Variants in LRRD1 observed in about 807,000 individuals in gnomAD.
LRRD1 encodes the protein leucine-rich repeat and death domain-containing protein 1.
A neutral mutation model predicts 69.5 loss-of-function variants in LRRD1; 49 were observed. The ratio of observed to expected loss-of-function variants is 0.70; its 90% CI spans 0.56 to 0.89. The LOEUF (loss-of-function observed/expected upper bound fraction) is 0.89, where lower values mean the gene tolerates loss of function less well. LRRD1 is among the 40% of genes least tolerant of loss of function. The pLI is 0.00. For synonymous variants in LRRD1, 303 were observed against 338.9 expected (o/e 0.89, Z 1.16); for missense variants, 853 against 956.0 (o/e 0.89, Z 1.42).
intron 3 of LRRD1, among the ~76,000 whole-genome samples, chr7:92,158,748 T>C (rs1189262922): frequency 1.3e-5 from 2 of 151,984 alleles, no homozygotes; most frequent in African/African-American, 2.4e-5. Context: ...AGGGAAGAAA[T>C]ACTAAATGAC....
At chr7:92,159,292 T>C in intron 2 of LRRD1, 89 bp from the exon 3 acceptor site, 2 of 944,508 alleles carry the variant, frequency 2.1e-6, no homozygotes, top group Non-Finnish European at 2.9e-6. Context: ...GAAAGAGTTT[T>C]GTCTGTTTTT....
Position 92,163,768 on chromosome 7 carries a change from A to G in LRRD1, c.1435T>C (p.Phe479Leu). 1.3e-6 allele frequency: 2 copies of G among 1,508,636 alleles called. No homozygotes were observed. The highest frequency in any genetic ancestry group is 4.9e-5 in the East Asian group (2 of 40,612). The allele number at this position is 1,508,636 out of a possible 1,614,324, so 93.5% of individuals were successfully genotyped here. The change falls in exon 2 of 6, where the codon TTT (phenylalanine) becomes CTT (leucine). Residue 479 changes from phenylalanine to leucine, a missense_variant. Around this residue, in one of 3 missense-constraint regions of LRRD1, gnomAD observed 739 missense variants for 808.0 expected, o/e 0.91. Coordinates refer to ENST00000458448, the MANE Select transcript of LRRD1 (RefSeq NM_001161528.2). ...TCTAAAGCACACAGTCCCAATGGAA[A>G]ATACATTATTTTGTTATAACTCAAT... is the stretch of plus-strand genomic sequence containing the variant. ...IELSYNKIMYFPLGLCALDSL... is the reference protein window; with the variant it reads ...IELSYNKIMYLPLGLCALDSL...
chr7:92,158,964 C>T (rs892354441), intron 3 of LRRD1, 41 bp downstream of exon 3: 1 of 1,478,062 alleles, frequency 6.8e-7, no homozygotes, highest in Non-Finnish European at 9.0e-7. Context: ...CATTAATACT[C>T]TACTTATTGA....
At chr7:92,171,958 A>T (rs1789066347) in intron 1 of LRRD1, among the ~76,000 whole-genome samples, 1 of 152,226 alleles carries the variant, frequency 6.6e-6, no homozygotes, top group East Asian at 1.9e-4. Context: ...AACATTCAAT[A>T]AAATTCAACA....
downstream of LRRD1, chr7:92,144,809 G>T (rs183775573): frequency 5.3e-4 from 425 of 808,984 alleles, 3 homozygotes; most frequent in East Asian, 0.01. Flanking sequence ...GTATGATAAA[G>T]TGAAGTGAAA....
chr7:92,178,181 C>T (rs1171036485), intron 1 of LRRD1, among the ~76,000 whole-genome samples: 2 of 151,768 alleles, frequency 1.3e-5, no homozygotes, highest in Non-Finnish European at 2.9e-5. Context: ...GGCGTAGTGG[C>T]GGGCGCCTGT....
At chr7:92,168,621 T>G (rs1224997218) in intron 1 of LRRD1, among the ~76,000 whole-genome samples, 5 of 150,596 alleles carry the variant, frequency 3.3e-5, no homozygotes. Context: ...AGGCTTAAGG[T>G]TCTATATAGT....
chr7:92,175,573 A>G lies in LRRD1; in HGVS notation c.-75+3434T>C, dbSNP rs374230406. Among the ~76,000 whole-genome samples, 291 of 152,166 alleles carry G rather than the reference A, an allele frequency of 1.9e-3. 3 individuals carry two copies. Among genetic ancestry groups the G allele is most frequent in the African/African-American group, 6.5e-3 (268 of 41,528 alleles). On this transcript the variant is annotated intron_variant, in intron 1 of 5. Coordinates refer to ENST00000458448, the MANE Select transcript of LRRD1 (RefSeq NM_001161528.2). Reference sequence around the variant, plus strand: ...TGAGGCAGGAGAATCGCCTGAACCCATTGAGGCAGAGGTTGCAGTGAGCAG... The same window carrying G: ...TGAGGCAGGAGAATCGCCTGAACCCGTTGAGGCAGAGGTTGCAGTGAGCAG...
intron 2 of LRRD1, 105 bp from the exon 3 acceptor site, chr7:92,159,308 T>C (rs1284729778): frequency 1.1e-6 from 1 of 871,028 alleles, no homozygotes; most frequent in East Asian, 3.2e-5. Flanking sequence ...TTTTTGTTTT[T>C]GTCTTAAAAA....
chr7:92,174,509 A>ATATATATTTT (rs1563195877), intron 1 of LRRD1, among the ~76,000 whole-genome samples: 1 of 12,870 alleles, frequency 7.8e-5, no homozygotes, highest in East Asian at 1.4e-3. Flanking sequence ...ATATATATAT[A>ATATATATTTT]TTTTTTTTTT....
intron 1 of LRRD1, among the ~76,000 whole-genome samples, chr7:92,167,103 T>C (rs1323458331): frequency 1.3e-5 from 2 of 151,580 alleles, no homozygotes; most frequent in African/African-American, 2.4e-5. Flanking sequence ...TTCTTTCTTT[T>C]TTTTTTTTTT....
chr7:92,147,816 C>T (rs1011239181), intron 4 of LRRD1, among the ~76,000 whole-genome samples: 3 of 152,118 alleles, frequency 2.0e-5, no homozygotes, highest in Non-Finnish European at 4.4e-5. Context: ...ACCACAGCCT[C>T]GACCTCCCAG....
intron 1 of LRRD1, chr7:92,178,710 T>C (rs1789250853): frequency 6.6e-6 from 1 of 152,166 alleles, no homozygotes; most frequent in Non-Finnish European, 1.5e-5. Flanking sequence ...ATACAAATAT[T>C]GCCAATTTGA....
chr7:92,159,139 T>C lies in LRRD1; in HGVS notation c.1982A>G (p.Asn661Ser), dbSNP rs1421511768. Residue 661 changes from asparagine (N) to serine (S), a missense_variant, in exon 3 of 6, where the codon AAT (asparagine) becomes AGT (serine). Asn to Ser is a conservative substitution (Grantham distance 46). Transcript: ENST00000458448. ...ATTTCTTGGAATCTCTCTGATTGCA[T>C]TATTTGAGATATCAAGTTCTTTAAG... is the stretch of plus-strand genomic sequence containing the variant. Reference protein sequence around the residue: ...TQLKELDISNNAIREIPRNIG... With the variant: ...TQLKELDISNSAIREIPRNIG... 3.9e-6 allele frequency: 6 copies of C among 1,545,764 alleles called. No homozygotes were observed. Among genetic ancestry groups the C allele is most frequent in the Non-Finnish European group, 4.4e-6 (5 of 1,144,904 alleles).
Position 92,170,980 on chromosome 7 carries a change from A to G in LRRD1, c.-74-5704T>C, listed in dbSNP as rs537152436. Among the ~76,000 whole-genome samples, 3 of 152,370 alleles carry G rather than the reference A, an allele frequency of 2.0e-5. No homozygotes were observed. In the South Asian group the frequency reaches 6.2e-4, roughly 32 times the overall value. On this transcript the variant is annotated intron_variant, in intron 1 of 5. Coordinates refer to ENST00000458448, the MANE Select transcript of LRRD1 (RefSeq NM_001161528.2). ...GTCAATGAAGAAATTAAGGAAATTA[A>G]AAAGTTTCTTGAAACAAATGAAAAT...
At position 92,179,017 on chromosome 7, in the gene LRRD1, C is replaced by G. The variant is rs1372895649; in HGVS notation, c.-85G>C. The G allele has an allele frequency of 6.6e-6, 1 of 152,438 alleles. No homozygotes were observed. The highest frequency in any genetic ancestry group is 1.5e-5 in the Non-Finnish European group (1 of 68,208). 9.4% of individuals were successfully genotyped at this position (152,438 alleles called of 1,614,324 possible). A position where few individuals can be genotyped will look rare whatever the true frequency, so the allele number is the denominator to read the frequency against. Reference sequence around the variant, plus strand: ...CACCCTTCGCTTCACCTGTGGCCTCCCGCGGCGGCTGCGGCTCCTTCGCAG... The same window carrying G: ...CACCCTTCGCTTCACCTGTGGCCTCGCGCGGCGGCTGCGGCTCCTTCGCAG... On this transcript the variant is annotated 5_prime_UTR_variant, in exon 1 of 6. Transcript: ENST00000458448.
downstream of LRRD1, among the ~76,000 whole-genome samples, chr7:92,144,478 T>C (rs1563187238): frequency 6.6e-6 from 1 of 151,638 alleles, no homozygotes; most frequent in Non-Finnish European, 1.5e-5. Context: ...AATACAAAAA[T>C]TATCCCGGCG....
Position 92,163,932 on chromosome 7 carries a change from T to A in LRRD1, c.1271A>T (p.His424Leu). The A allele has an allele frequency of 6.5e-7, 1 of 1,538,776 alleles. No homozygotes were observed. Among genetic ancestry groups the A allele is most frequent in the Non-Finnish European group, 8.8e-7 (1 of 1,142,166 alleles). The change falls in exon 2 of 6, where the codon CAT becomes CTT. Residue 424 changes from histidine to leucine, a missense_variant. This residue lies in a region of LRRD1 where 739 missense variants were observed against 808.0 expected (regional missense o/e 0.91). Coordinates refer to ENST00000458448, the MANE Select transcript of LRRD1 (RefSeq NM_001161528.2). ...IHKLNNLRKL[H>L]VNRNNMVKIT... ...TTTTACCATATTATTTCTGTTTACATGGAGTTTTCTTAAATTGTTAAGCTT... is the reference window on the plus strand; with the variant it reads ...TTTTACCATATTATTTCTGTTTACAAGGAGTTTTCTTAAATTGTTAAGCTT...
At chr7:92,145,540 C>G (rs1004889840) in intron 5 of LRRD1, among the ~76,000 whole-genome samples, 1 of 151,090 alleles carries the variant, frequency 6.6e-6, no homozygotes, top group Admixed American at 6.6e-5. Context: ...CCCGGGTTCA[C>G]GCCATTCTCC....
Sources: allele counts gnomAD v4.1 joint callset (sites outside exome capture counted in the v4.1 genomes callset), GRCh38; gene constraint gnomAD v4.1.1; regional missense constraint gnomAD v4.1.1; transcripts MANE v1.5; gene names NCBI Gene and HGNC (gene_info 2026-07-23, HGNC 2026-07-21).